The following NOX4 variants were observed in gnomAD, a reference collection of about 807,000 sequenced individuals.
NOX4 encodes kidney oxidase-1.
NOX4 carries 69 observed loss-of-function variants against 87.6 expected under a neutral mutation model. That is an observed-to-expected ratio of 0.79 (90% confidence interval 0.65 to 0.96). The LOEUF is 0.96. Ranked by LOEUF, NOX4 falls within the 40% of genes least tolerant of loss-of-function variation. The pLI, the probability that NOX4 is intolerant of heterozygous loss-of-function variation, is 0.00. For synonymous variants in NOX4, 275 were observed against 238.2 expected (o/e 1.15, Z -1.42); for missense variants, 680 against 681.5 (o/e 1.00, Z 0.02).
intron 2 of NOX4, among the ~76,000 whole-genome samples, chr11:89,471,652 T>C (rs1945946918): frequency 6.6e-6 from 1 of 152,176 alleles, no homozygotes; most frequent in Non-Finnish European, 1.5e-5. Context: ...GGAACAAGAC[T>C]GCACTTAAGA....
At chr11:89,375,090 T>C (rs1297865710) in intron 11 of NOX4, among the ~76,000 whole-genome samples, 1 of 152,144 alleles carries the variant, frequency 6.6e-6, no homozygotes, top group African/African-American at 2.4e-5. Flanking sequence ...TGAAAGCACA[T>C]AATCTATGTC....
At chr11:89,467,911 G>A (rs577012564) in intron 2 of NOX4, among the ~76,000 whole-genome samples, 3 of 152,270 alleles carry the variant, frequency 2.0e-5, no homozygotes, top group South Asian at 4.1e-4. Flanking sequence ...GTTAATCATC[G>A]CATCAGTAAA....
At chr11:89,428,300 A>T (rs1265528057) in intron 7 of NOX4, among the ~76,000 whole-genome samples, 1 of 152,200 alleles carries the variant, frequency 6.6e-6, no homozygotes, top group Admixed American at 6.5e-5. Context: ...GCTAGAAGAA[A>T]CTGCATCAAC....
the NOX4 span, among the ~76,000 whole-genome samples, chr11:89,571,831 C>G: frequency 5.0e-4 from 76 of 152,142 alleles, no homozygotes; most frequent in Admixed American, 2.6e-4. Flanking sequence ...ACATACCTCC[C>G]CCACAGGGAA....
At chr11:89,361,264 C>T (rs931432092) in intron 12 of NOX4, among the ~76,000 whole-genome samples, 2 of 152,072 alleles carry the variant, frequency 1.3e-5, no homozygotes, top group African/African-American at 2.4e-5. Context: ...GAATACTACT[C>T]AGCCATAAAA....
the NOX4 span, among the ~76,000 whole-genome samples, chr11:89,561,000 A>C: frequency 0.034 from 2,395 of 70,748 alleles, 40 homozygotes; most frequent in South Asian, 0.041. Flanking sequence ...CTCTCTCTAT[A>C]TATATATATA....
chr11:89,470,857 C>G (rs1186991664), intron 2 of NOX4, among the ~76,000 whole-genome samples: 1 of 152,238 alleles, frequency 6.6e-6, no homozygotes, highest in East Asian at 1.9e-4. Context: ...TGAAGATTAG[C>G]TAACCCAAGT....
At chr11:89,507,006 A>G in the NOX4 span, among the ~76,000 whole-genome samples, 16 of 152,034 alleles carry the variant, frequency 1.1e-4, no homozygotes, top group Non-Finnish European at 2.2e-4. Flanking sequence ...ACATGTATGA[A>G]TCTCAAAGTA....
the NOX4 span, among the ~76,000 whole-genome samples, chr11:89,514,811 T>C: frequency 6.6e-6 from 1 of 152,150 alleles, no homozygotes; most frequent in Non-Finnish European, 1.5e-5. Context: ...GGATGAAATG[T>C]ATATGTTAAT....
In NOX4 at chr11:89,451,868, C is replaced by T. The variant is rs765440612; in HGVS notation, c.181G>A (p.Ala61Thr). The T allele has an allele frequency of 2.5e-6, 4 of 1,613,074 alleles. No homozygotes were observed. The highest frequency in any genetic ancestry group is 3.4e-6 in the Non-Finnish European group (4 of 1,179,264). The change falls in exon 3 of 18, where the codon GCA becomes ACA. Residue 61 changes from alanine (A) to threonine (T), a missense_variant. Ala to Thr is a moderately conservative substitution (Grantham distance 58, BLOSUM62 0). Transcript: ENST00000263317. ...CTGCAGTTGAGGTTAAGAACAGATG[C>T]TGAGGCTCTGCTTAGACACAATCCT... Reference protein sequence around the residue: ...GLGLCLSRASASVLNLNCSLI... With the variant: ...GLGLCLSRASTSVLNLNCSLI...
intron 4 of NOX4, among the ~76,000 whole-genome samples, chr11:89,445,862 A>T (rs933816523): frequency 1.3e-5 from 2 of 152,144 alleles, no homozygotes; most frequent in Non-Finnish European, 2.9e-5. Context: ...AAGAATTAAT[A>T]AGCTGGCCTT....
chr11:89,557,639 G>A, the NOX4 span, among the ~76,000 whole-genome samples: 1 of 152,058 alleles, frequency 6.6e-6, no homozygotes, highest in Non-Finnish European at 1.5e-5. Context: ...TTACAGCTGA[G>A]ACTGAGCAGG....
At chr11:89,369,031 T>A (rs189119803) in intron 12 of NOX4, among the ~76,000 whole-genome samples, 5 of 152,242 alleles carry the variant, frequency 3.3e-5, no homozygotes, top group African/African-American at 9.6e-5. Flanking sequence ...TATGGAGCTA[T>A]TTTAAACCTG....
intron 2 of NOX4, among the ~76,000 whole-genome samples, chr11:89,459,923 A>G (rs1029402207): frequency 1.3e-5 from 2 of 152,250 alleles, no homozygotes; most frequent in African/African-American, 4.8e-5. Context: ...CTACAAGGCT[A>G]CAGTAACCAA....
chr11:89,492,835 T>G (rs1031035877), upstream of NOX4, among the ~76,000 whole-genome samples: 2 of 152,150 alleles, frequency 1.3e-5, no homozygotes, highest in African/African-American at 4.8e-5. Flanking sequence ...AGGAGGTTCA[T>G]TGGCAGAATA....
chr11:89,517,239 C>A, the NOX4 span, among the ~76,000 whole-genome samples: 1 of 151,952 alleles, frequency 6.6e-6, no homozygotes, highest in Non-Finnish European at 1.5e-5. Context: ...CTTTTTATTT[C>A]ATTGGCCAGG....
intron 8 of NOX4, among the ~76,000 whole-genome samples, chr11:89,408,569 C>T (rs886945975): frequency 1.4e-4 from 21 of 152,234 alleles, no homozygotes; most frequent in African/African-American, 5.1e-4. Flanking sequence ...GCTTTTACTC[C>T]CACCCCTACT....
the NOX4 span, among the ~76,000 whole-genome samples, chr11:89,537,933 C>G: frequency 3.9e-4 from 60 of 152,184 alleles, no homozygotes; most frequent in Non-Finnish European, 8.2e-4. Context: ...CACCAACCAC[C>G]TACTTTGATA....
the NOX4 span, among the ~76,000 whole-genome samples, chr11:89,561,499 T>C: frequency 6.6e-6 from 1 of 152,156 alleles, no homozygotes; most frequent in Admixed American, 6.6e-5. Context: ...TGTCAAAGCA[T>C]AGGTTTGTAA....
Sources: gnomAD v4.1 joint callset for allele counts (sites outside exome capture counted in the v4.1 genomes callset) on GRCh38, gnomAD v4.1.1 for gene constraint, MANE v1.5 for transcripts, NCBI Gene and HGNC (gene_info 2026-07-23, HGNC 2026-07-21) for gene names.